PALM2AKAP2: variants seen among roughly 807,000 people sequenced by gnomAD.
The protein encoded by PALM2AKAP2 is PALM2-AKAP2 fusion protein.
In PALM2AKAP2, 37 loss-of-function variants were observed where a neutral mutation model predicts 71.5. The ratio of observed to expected loss-of-function variants is 0.52; its 90% CI spans 0.40 to 0.68. PALM2AKAP2 has a LOEUF of 0.68. PALM2AKAP2 is among the 30% of genes least tolerant of loss of function. The probability of loss-of-function intolerance (pLI) is 0.00; values close to 1 mark genes in which losing one functional copy is unlikely to be tolerated. For synonymous variants in PALM2AKAP2, 468 were observed against 478.8 expected, an observed-to-expected ratio of 0.98 and a Z score of 0.29; for missense variants, 1,224 against 1,191.8, an observed-to-expected ratio of 1.03 and a Z score of -0.40.
intron 7 of PALM2AKAP2, among the ~76,000 whole-genome samples, chr9:110,020,657 T>C (rs1296968101): frequency 6.6e-6 from 1 of 151,994 alleles, no homozygotes; most frequent in African/African-American, 2.4e-5. Context: ...CACTCCAGCC[T>C]GCATGACCAG....
At position 110,090,484 on chromosome 9, in the gene PALM2AKAP2, C is replaced by G. The variant is rs879105755; in HGVS notation, c.156+41629C>G. On this transcript the variant is annotated intron_variant, in intron 1 of 3. Coordinates refer to ENST00000374525, the Ensembl canonical transcript of PALM2AKAP2. ...GAGGGAACTTACACCTTTCATGCCT[C>G]AAGCTCATTAAGGCACATTTCTCTT... 3.7e-5 allele frequency: 17 copies of G among 455,890 alleles called. 1 individual carries two copies. The highest frequency in any genetic ancestry group is 2.6e-4 in the South Asian group (17 of 64,446). 28.2% of individuals were successfully genotyped at this position (455,890 alleles called of 1,614,324 possible).
At chr9:109,775,235 A>G (rs1407479018), upstream of PALM2AKAP2, among the ~76,000 whole-genome samples, 1 of 152,236 alleles carries the variant, frequency 6.6e-6, no homozygotes, top group Non-Finnish European at 1.5e-5. Context: ...CCAAGAGAAA[A>G]GGAAGTCATC....
intron 6 of PALM2AKAP2, among the ~76,000 whole-genome samples, chr9:109,990,476 C>T (rs747107588): frequency 3.3e-5 from 5 of 152,298 alleles, no homozygotes; most frequent in African/African-American, 4.8e-5. Context: ...TGTATAGTGT[C>T]GTCAAAGCTC....
chr9:109,672,321 G>C (rs891436957), intron 1 of PALM2AKAP2, among the ~76,000 whole-genome samples: 1 of 152,102 alleles, frequency 6.6e-6, no homozygotes, highest in Non-Finnish European at 1.5e-5. Flanking sequence ...GATCAATGTT[G>C]AATTTTATCA....
chr9:109,925,222 C>T, intron 5 of PALM2AKAP2, 140 bp downstream of exon 5: 1 of 1,312,266 alleles, frequency 7.6e-7, no homozygotes, highest in Non-Finnish European at 1.1e-6. Flanking sequence ...GGTTGCAGGC[C>T]ACTGAGGAGG....
chr9:110,086,600 G>A (rs1489976421), intron 1 of PALM2AKAP2, among the ~76,000 whole-genome samples: 1 of 152,176 alleles, frequency 6.6e-6, no homozygotes, highest in Non-Finnish European at 1.5e-5. Context: ...GTGCGTGTGT[G>A]TACATGCACA....
At chr9:110,034,203 G>T (rs1232243481) in intron 7 of PALM2AKAP2, among the ~76,000 whole-genome samples, 4 of 152,140 alleles carry the variant, frequency 2.6e-5, no homozygotes, top group Admixed American at 1.3e-4. Flanking sequence ...TGTTGCCCAG[G>T]CTGGAGTGCA....
At chr9:110,033,279 T>A (rs1212650986) in intron 7 of PALM2AKAP2, among the ~76,000 whole-genome samples, 1 of 152,252 alleles carries the variant, frequency 6.6e-6, no homozygotes, top group African/African-American at 2.4e-5. Context: ...AATCTTTTTC[T>A]CTTTTAAATA....
chr9:109,817,372 C>T (rs1827880382), intron 1 of PALM2AKAP2, among the ~76,000 whole-genome samples: 1 of 152,146 alleles, frequency 6.6e-6, no homozygotes, highest in South Asian at 2.1e-4. Flanking sequence ...AATGATCAGA[C>T]CAGGGAAATG....
chr9:110,157,572 A>T (rs1298176583), intron 3 of PALM2AKAP2, among the ~76,000 whole-genome samples: 1 of 151,852 alleles, frequency 6.6e-6, no homozygotes, highest in East Asian at 1.9e-4. Context: ...CTTATTTTTT[A>T]ACTTTTTTGT....
chr9:109,816,025 T>C (rs1308354179), intron 1 of PALM2AKAP2, among the ~76,000 whole-genome samples: 1 of 152,224 alleles, frequency 6.6e-6, no homozygotes, highest in Non-Finnish European at 1.5e-5. Context: ...TGATGTTCTA[T>C]TTATGCTAAG....
intron 2 of PALM2AKAP2, among the ~76,000 whole-genome samples, chr9:110,140,654 T>C (rs1836004734): frequency 6.6e-6 from 1 of 152,228 alleles, no homozygotes; most frequent in Non-Finnish European, 1.5e-5. Context: ...GTTTTTATTA[T>C]CTGTAATATG....
intron 1 of PALM2AKAP2, among the ~76,000 whole-genome samples, chr9:109,805,681 G>C (rs1213006804): frequency 1.3e-5 from 2 of 152,180 alleles, no homozygotes; most frequent in East Asian, 3.8e-4. Context: ...GGGATGGTGA[G>C]CAACCTTTCC....
chr9:109,983,744 A>C (rs1164727665), intron 6 of PALM2AKAP2, among the ~76,000 whole-genome samples: 2 of 152,070 alleles, frequency 1.3e-5, no homozygotes, highest in Non-Finnish European at 2.9e-5. Flanking sequence ...ACATGCCTGT[A>C]ATCCGAGCTA....
At chr9:110,088,605 T>A (rs1308800185) in intron 1 of PALM2AKAP2, among the ~76,000 whole-genome samples, 1 of 151,044 alleles carries the variant, frequency 6.6e-6, no homozygotes, top group East Asian at 2.0e-4. Context: ...TTAGGTTCCC[T>A]GCCTCTAGAC....
At chr9:109,995,210 A>G (rs1832550944) in intron 6 of PALM2AKAP2, among the ~76,000 whole-genome samples, 1 of 152,176 alleles carries the variant, frequency 6.6e-6, no homozygotes, top group Admixed American at 6.5e-5. Flanking sequence ...CCCAGAACTC[A>G]GGGTGGAAAT....
chr9:109,709,110 G>T (rs1828187680), intron 1 of PALM2AKAP2, among the ~76,000 whole-genome samples: 1 of 152,148 alleles, frequency 6.6e-6, no homozygotes. Flanking sequence ...TCTCAAATGG[G>T]AATACTGGGG....
At chr9:109,803,520 T>C (rs80345834) in intron 1 of PALM2AKAP2, among the ~76,000 whole-genome samples, 93 of 152,338 alleles carry the variant, frequency 6.1e-4, no homozygotes, top group African/African-American at 2.2e-3. Flanking sequence ...ACCTTGGAGA[T>C]GCATTTATAT....
At chr9:110,085,476 G>T (rs1316239084) in intron 1 of PALM2AKAP2, among the ~76,000 whole-genome samples, 1 of 152,154 alleles carries the variant, frequency 6.6e-6, no homozygotes, top group Non-Finnish European at 1.5e-5. Context: ...TTGATGTATG[G>T]ATGTAGAAAA....
Sources: gnomAD v4.1 joint callset for allele counts (sites outside exome capture counted in the v4.1 genomes callset) on GRCh38, gnomAD v4.1.1 for gene constraint, MANE v1.5 for transcripts, NCBI Gene and HGNC (gene_info 2026-07-23, HGNC 2026-07-21) for gene names.